PDE10A: variants seen among roughly 807,000 people sequenced by gnomAD.
PDE10A encodes phosphodiesterase 10A, also known as cAMP and cAMP-inhibited cGMP 3',5'-cyclic phosphodiesterase 10A.
PDE10A carries 39 observed loss-of-function variants against 97.7 expected under a neutral mutation model. The observed-to-expected ratio is 0.40, with a 90% confidence interval of 0.31 to 0.52. The LOEUF is 0.52. Among genes scored for constraint, PDE10A ranks in the 20% least tolerant of loss-of-function variants. The pLI is 0.56. For synonymous variants in PDE10A, 371 were observed against 376.8 expected, an observed-to-expected ratio of 0.98 and a Z score of 0.18; for missense variants, 731 against 1,047.8, an observed-to-expected ratio of 0.70 and a Z score of 4.17.
At chr6:165,684,470 C>T (rs1337337379) in intron 1 of PDE10A, among the ~76,000 whole-genome samples, 1 of 152,230 alleles carries the variant, frequency 6.6e-6, no homozygotes, top group African/African-American at 2.4e-5. Flanking sequence ...TCCTGGGTGG[C>T]TCCTTTCCTG....
chr6:165,655,086 C>T lies in PDE10A; in HGVS notation c.865+6861G>A, dbSNP rs1455572262. ...ATAGCACAGAATTCCAGCGGGCCGT[C>T]CGTTCGCGTGTCAAACTTCAGCCAG... On this transcript the variant is annotated intron_variant, in intron 1 of 21. Transcript: ENST00000539869. The surrounding 1 kb of genome is among the most constrained non-coding windows in gnomAD (Gnocchi z 4.5). Among the ~76,000 whole-genome samples, 1 of 152,194 alleles carries T rather than the reference C, an allele frequency of 6.6e-6. No individual in the cohort carries two copies. Among genetic ancestry groups the T allele is most frequent in the Non-Finnish European group, 1.5e-5 (1 of 68,042 alleles).
intron 1 of PDE10A, among the ~76,000 whole-genome samples, chr6:165,615,618 AAAGT>A (rs1480142119): frequency 5.9e-5 from 9 of 152,264 alleles, no homozygotes; most frequent in African/African-American, 2.2e-4. Flanking sequence ...TGAAATATTT[AAAGT>A]AAGTTTTATT....
chr6:165,518,570 T>A (rs1440745657), intron 2 of PDE10A, among the ~76,000 whole-genome samples: 2 of 152,180 alleles, frequency 1.3e-5, no homozygotes, highest in Non-Finnish European at 2.9e-5. Context: ...CTCACTTTAC[T>A]TAATAATGAC....
intron 2 of PDE10A, among the ~76,000 whole-genome samples, chr6:165,495,591 C>T (rs1217356438): frequency 1.3e-5 from 2 of 152,068 alleles, no homozygotes; most frequent in South Asian, 2.1e-4. Flanking sequence ...ATTACTTTTA[C>T]ATCATTAAAT....
intron 1 of PDE10A, among the ~76,000 whole-genome samples, chr6:165,818,074 C>A (rs1779469735): frequency 6.6e-6 from 1 of 152,166 alleles, no homozygotes; most frequent in Non-Finnish European, 1.5e-5. Flanking sequence ...ACTGTGTAGA[C>A]AGAACGCTCA....
intron 1 of PDE10A, among the ~76,000 whole-genome samples, chr6:165,690,293 C>G (rs1458589276): frequency 6.6e-6 from 1 of 152,218 alleles, no homozygotes; most frequent in African/African-American, 2.4e-5. Flanking sequence ...CACTCCAGTC[C>G]TCTCCATGGT....
intron 1 of PDE10A, among the ~76,000 whole-genome samples, chr6:165,645,706 T>C (rs1220240450): frequency 1.3e-5 from 2 of 151,754 alleles, no homozygotes; most frequent in Non-Finnish European, 2.9e-5. Flanking sequence ...ATACAAAAAT[T>C]AGCTGGGTTT....
chr6:165,861,544 C>T (rs957204704), intron 1 of PDE10A, among the ~76,000 whole-genome samples: 4 of 151,864 alleles, frequency 2.6e-5, no homozygotes, highest in Admixed American at 2.6e-4. Context: ...CTGCAGTCAG[C>T]AGCTTTTCCT....
At chr6:165,496,802 G>A (rs1024846992) in intron 2 of PDE10A, among the ~76,000 whole-genome samples, 4 of 152,210 alleles carry the variant, frequency 2.6e-5, no homozygotes, top group South Asian at 2.1e-4. Flanking sequence ...GCTAGAAATC[G>A]CTACTTTTAA....
chr6:165,477,099 C>G (rs1251757126), intron 3 of PDE10A, among the ~76,000 whole-genome samples: 3 of 152,134 alleles, frequency 2.0e-5, no homozygotes, highest in Admixed American at 6.6e-5. Flanking sequence ...TCAAATCCCC[C>G]CCAGCGGCAT....
At chr6:165,551,239 C>T (rs928478231) in intron 1 of PDE10A, among the ~76,000 whole-genome samples, 4 of 152,170 alleles carry the variant, frequency 2.6e-5, no homozygotes, top group African/African-American at 9.7e-5. Flanking sequence ...ACTTTAAAAT[C>T]AGGTAAGTTT....
chr6:165,782,370 C>T (rs1778362899), intron 1 of PDE10A, among the ~76,000 whole-genome samples: 1 of 152,162 alleles, frequency 6.6e-6, no homozygotes, highest in South Asian at 2.1e-4. Flanking sequence ...ATTTATTGGG[C>T]CATCTTCACC....
At position 165,346,271 on chromosome 6, in the gene PDE10A, G is replaced by C. The variant is rs75141840; in HGVS notation, c.2784-2769C>G. 1.0e-3 allele frequency among the ~76,000 whole-genome samples: 156 copies of C among 152,268 alleles called. 1 individual carries two copies. Among genetic ancestry groups the C allele is most frequent in the African/African-American group, 3.6e-3 (150 of 41,556 alleles). Reference sequence around the variant, plus strand: ...AACCCTACAGTAGTTCAGATGAGAGGTGAGGGCAGCTTGAAGTATGGTGAC... The same window carrying C: ...AACCCTACAGTAGTTCAGATGAGAGCTGAGGGCAGCTTGAAGTATGGTGAC... On this transcript the variant is annotated intron_variant, in intron 18 of 21. Transcript: ENST00000539869.
intron 3 of PDE10A, among the ~76,000 whole-genome samples, chr6:165,479,420 C>T (rs1420816053): frequency 6.6e-6 from 1 of 152,288 alleles, no homozygotes; most frequent in East Asian, 1.9e-4. Context: ...AGGGCCTCTG[C>T]AGTTCCTGTC....
intron 1 of PDE10A, among the ~76,000 whole-genome samples, chr6:165,696,710 G>A (rs569304822): frequency 6.9e-4 from 105 of 152,322 alleles, no homozygotes; most frequent in African/African-American, 2.4e-3. Flanking sequence ...TTGCATGTGA[G>A]AATGACCAAA....
At chr6:165,376,364 G>C (rs116983698) in intron 18 of PDE10A, among the ~76,000 whole-genome samples, 1 of 152,230 alleles carries the variant, frequency 6.6e-6, no homozygotes, top group South Asian at 2.1e-4. Flanking sequence ...AATGAGCCAA[G>C]AAAGTTTCTT....
In PDE10A at chr6:165,787,739, G is replaced by C. The variant is rs74374664; in HGVS notation, c.-615+199790C>G. Among the ~76,000 whole-genome samples, 1,090 of 152,266 alleles carry C rather than the reference G, an allele frequency of 7.2e-3. 18 individuals carry two copies. Among genetic ancestry groups the C allele is most frequent in the African/African-American group, 0.025 (1,035 of 41,550 alleles). Reference sequence around the variant, plus strand: ...ATCCTGTGTGCCAGGCAACCTGCAGGTATCCTATTTGGAGAGAAGGTTTAT... The same window carrying C: ...ATCCTGTGTGCCAGGCAACCTGCAGCTATCCTATTTGGAGAGAAGGTTTAT... On this transcript the variant is annotated intron_variant, in intron 1 of 19. Coordinates refer to the PDE10A transcript ENST00000366882.
intron 1 of PDE10A, among the ~76,000 whole-genome samples, chr6:165,724,977 C>T (rs758321706): frequency 6.6e-6 from 1 of 152,180 alleles, no homozygotes; most frequent in Non-Finnish European, 1.5e-5. Context: ...CTCCACCCTC[C>T]GGCCTGTGCC....
At chr6:165,552,791 G>A (rs182850752) in intron 1 of PDE10A, among the ~76,000 whole-genome samples, 1 of 152,294 alleles carries the variant, frequency 6.6e-6, no homozygotes, top group Non-Finnish European at 1.5e-5. Context: ...TCACCAAACT[G>A]AGGGGTAATT....
Sources: allele counts gnomAD v4.1 joint callset (sites outside exome capture counted in the v4.1 genomes callset), GRCh38; gene constraint gnomAD v4.1.1; non-coding constraint Gnocchi (gnomAD v3.1); transcripts MANE v1.5; gene names NCBI Gene and HGNC (gene_info 2026-07-23, HGNC 2026-07-21).